Variants in NXPE2 observed in about 807,000 individuals in gnomAD.
NXPE2 encodes NXPE family member 2.
A neutral mutation model predicts 34.4 loss-of-function variants in NXPE2; 34 were observed. That is an observed-to-expected ratio of 0.99 (90% CI 0.75 to 1.31). The LOEUF is 1.31. NXPE2 is among the 40% of genes most tolerant of loss of function. The probability of loss-of-function intolerance (pLI) is 0.00; values close to 1 mark genes in which losing one functional copy is unlikely to be tolerated. For synonymous variants in NXPE2, 235 were observed against 231.3 expected (o/e 1.02, Z -0.15); for missense variants, 649 against 672.5 (o/e 0.97, Z 0.39).
chr11:114,550,718 C>G, the NXPE2 span, among the ~76,000 whole-genome samples: 6 of 152,078 alleles, frequency 3.9e-5, no homozygotes, highest in African/African-American at 1.4e-4. Flanking sequence ...GGAAACAGTA[C>G]TGCTAAAAAA....
the NXPE2 span, among the ~76,000 whole-genome samples, chr11:114,494,969 G>A: frequency 1.3e-5 from 2 of 152,214 alleles, no homozygotes. Context: ...AGACTCAGAG[G>A]TACCACCTTG....
At chr11:114,589,951 G>C in the NXPE2 span, among the ~76,000 whole-genome samples, 1 of 152,102 alleles carries the variant, frequency 6.6e-6, no homozygotes, top group Non-Finnish European at 1.5e-5. Flanking sequence ...AATGCCTGAG[G>C]GAACTAAATG....
At chr11:114,577,045 TTATA>T in the NXPE2 span, among the ~76,000 whole-genome samples, 1 of 25,836 alleles carries the variant, frequency 3.9e-5, no homozygotes, top group African/African-American at 1.9e-4. Context: ...ATATATAAAG[TTATA>T]TATATATACA....
At chr11:114,578,889 GT>G in the NXPE2 span, among the ~76,000 whole-genome samples, 2 of 152,210 alleles carry the variant, frequency 1.3e-5, no homozygotes, top group African/African-American at 2.4e-5. Flanking sequence ...AATGGCTGTT[GT>G]TTTTTTGGGC....
At chr11:114,773,159 C>T in the NXPE2 span, among the ~76,000 whole-genome samples, 1 of 151,972 alleles carries the variant, frequency 6.6e-6, no homozygotes, top group African/African-American at 2.4e-5. Context: ...ATGCTCCTAC[C>T]AAAGAGGATT....
chr11:114,555,570 AT>A, the NXPE2 span, among the ~76,000 whole-genome samples: 3 of 152,158 alleles, frequency 2.0e-5, no homozygotes, highest in Non-Finnish European at 4.4e-5. Context: ...ATGTTGGCAA[AT>A]GTAGACACCT....
At chr11:114,787,973 C>T in the NXPE2 span, among the ~76,000 whole-genome samples, 1 of 152,156 alleles carries the variant, frequency 6.6e-6, no homozygotes, top group African/African-American at 2.4e-5. Flanking sequence ...GGATCTGCAG[C>T]CTCAATCCAG....
chr11:114,639,540 A>G, the NXPE2 span, among the ~76,000 whole-genome samples: 1 of 151,290 alleles, frequency 6.6e-6, no homozygotes, highest in East Asian at 1.9e-4. Flanking sequence ...GGAAATGCAG[A>G]AATTAGCTGT....
the NXPE2 span, among the ~76,000 whole-genome samples, chr11:114,783,851 G>C: frequency 0.15 from 22,455 of 152,144 alleles, 1,707 homozygotes; most frequent in Admixed American, 0.2. Context: ...CTTATAATCA[G>C]GTGAATTTGG....
chr11:114,644,815 G>C, the NXPE2 span, among the ~76,000 whole-genome samples: 1 of 150,962 alleles, frequency 6.6e-6, no homozygotes, highest in African/African-American at 2.4e-5. Context: ...CACCCTGCCA[G>C]ATATCAATTT....
the NXPE2 span, among the ~76,000 whole-genome samples, chr11:114,634,240 T>G: frequency 1.3e-5 from 2 of 152,162 alleles, no homozygotes; most frequent in South Asian, 2.1e-4. Flanking sequence ...TTCATGTGTT[T>G]TTTGGCTGCA....
At chr11:114,580,157 C>A in the NXPE2 span, 3 of 1,613,880 alleles carry the variant, frequency 1.9e-6, no homozygotes, top group Non-Finnish European at 2.5e-6. Context: ...TGAAGTATTC[C>A]ATCCACTGGC....
At chr11:114,775,015 T>C in the NXPE2 span, among the ~76,000 whole-genome samples, 1 of 152,238 alleles carries the variant, frequency 6.6e-6, no homozygotes, top group Admixed American at 6.5e-5. Context: ...TTATAGTAAG[T>C]CCTACAGCTG....
the NXPE2 span, among the ~76,000 whole-genome samples, chr11:114,771,476 C>T: frequency 2.0e-5 from 3 of 151,742 alleles, no homozygotes; most frequent in African/African-American, 7.3e-5. Context: ...TGGACCAGGC[C>T]TGTGGCCTTC....
the NXPE2 span, chr11:114,521,618 C>T: frequency 4.9e-6 from 1 of 202,518 alleles, no homozygotes; most frequent in Non-Finnish European, 1.0e-5. Context: ...TATCATTGCT[C>T]CTAGGCCTTT....
chr11:114,511,713 A>G, the NXPE2 span, among the ~76,000 whole-genome samples: 1 of 152,194 alleles, frequency 6.6e-6, no homozygotes, highest in Admixed American at 6.5e-5. Context: ...TGTTTGGCTC[A>G]TGGGGGCTGA....
the NXPE2 span, among the ~76,000 whole-genome samples, chr11:114,742,425 A>C: frequency 6.6e-6 from 1 of 152,070 alleles, no homozygotes; most frequent in African/African-American, 2.4e-5. Context: ...TGTTGGGTGA[A>C]ATGAGAAAGA....
the NXPE2 span, among the ~76,000 whole-genome samples, chr11:114,517,265 G>T: frequency 1.3e-5 from 2 of 151,958 alleles, no homozygotes; most frequent in African/African-American, 2.4e-5. Flanking sequence ...GGAAGACCTA[G>T]GTTTCCTGCT....
the NXPE2 span, among the ~76,000 whole-genome samples, chr11:114,738,709 G>A: frequency 6.6e-6 from 1 of 152,110 alleles, no homozygotes; most frequent in South Asian, 2.1e-4. Context: ...TGATGGTTAC[G>A]TTAACATCAC....
Sources: gnomAD v4.1 joint callset for allele counts (sites outside exome capture counted in the v4.1 genomes callset) on GRCh38, gnomAD v4.1.1 for gene constraint, MANE v1.5 for transcripts, NCBI Gene and HGNC (gene_info 2026-07-23, HGNC 2026-07-21) for gene names.